BPNT1: variants seen among roughly 807,000 people sequenced by gnomAD.
The protein encoded by BPNT1 is 3'(2'),5'-bisphosphate nucleotidase 1.
In BPNT1, 28 loss-of-function variants were observed where a neutral mutation model predicts 36.9. That is an observed-to-expected ratio of 0.76 (90% CI 0.56 to 1.04). The LOEUF (loss-of-function observed/expected upper bound fraction) is 1.04, where lower values mean the gene tolerates loss of function less well. Ranked by LOEUF, BPNT1 falls within the 50% of genes least tolerant of loss-of-function variation. The pLI, the probability that BPNT1 is intolerant of heterozygous loss-of-function variation, is 0.00. For missense variants in BPNT1, 313 were observed against 372.9 expected (o/e 0.84, Z 1.32); for synonymous variants, 119 against 130.9 (o/e 0.91, Z 0.62).
At chr1:220,069,314 C>A (rs894871269) in intron 5 of BPNT1, 70 bp downstream of exon 5, 16 of 1,224,846 alleles carry the variant, frequency 1.3e-5, no homozygotes, top group Non-Finnish European at 1.8e-5. Flanking sequence ...TACAAAATAT[C>A]AAATATTTAC....
At chr1:220,068,383 C>T (rs2102669758) in intron 5 of BPNT1, among the ~76,000 whole-genome samples, 1 of 151,960 alleles carries the variant, frequency 6.6e-6, no homozygotes, top group South Asian at 2.1e-4. Context: ...GGTGTTTCAC[C>T]ATGTTGGCCA....
Position 220,062,825 on chromosome 1 carries a change from A to G in BPNT1, c.604T>C (p.Leu202=), listed in dbSNP as rs1195284230. Reference sequence around the variant, plus strand: ...ATAGCAGCAACACAGTCAGTAACCAACTTGTTGCTATGGGATCGAGTAGTT... The same window carrying G: ...ATAGCAGCAACACAGTCAGTAACCAGCTTGTTGCTATGGGATCGAGTAGTT... The part of the protein sequence containing the change: ...ITTTRSHSNK[L]VTDCVAAMNP... The change falls in exon 7 of 9, where the codon TTG becomes CTG. Residue 202 remains leucine (L), a synonymous_variant. Coordinates refer to ENST00000322067, the MANE Select transcript of BPNT1 (RefSeq NM_006085.6). The G allele has an allele frequency of 3.1e-6, 5 of 1,613,980 alleles. No homozygotes were observed. Among genetic ancestry groups the G allele is most frequent in the Non-Finnish European group, 4.2e-6 (5 of 1,180,028 alleles).
At chr1:220,069,232 G>T in intron 5 of BPNT1, 152 bp downstream of exon 5, 1 of 544,770 alleles carries the variant, frequency 1.8e-6, no homozygotes, top group Non-Finnish European at 3.1e-6. Flanking sequence ...AATCAACGAT[G>T]TATGATAACC....
chr1:220,079,322 G>A (rs961013052), intron 2 of BPNT1, among the ~76,000 whole-genome samples: 11 of 151,434 alleles, frequency 7.3e-5, no homozygotes, highest in African/African-American at 2.7e-4. Flanking sequence ...GCGCAATCTC[G>A]GCTCACTGCA....
At chr1:220,083,005 G>A (rs1189626682) in intron 1 of BPNT1, among the ~76,000 whole-genome samples, 2 of 151,948 alleles carry the variant, frequency 1.3e-5, no homozygotes, top group Non-Finnish European at 1.5e-5. Flanking sequence ...TTGGGAGGCC[G>A]AGGTGGGCAG....
At chr1:220,068,463 T>C (rs1214796852) in intron 5 of BPNT1, among the ~76,000 whole-genome samples, 1 of 150,054 alleles carries the variant, frequency 6.7e-6, no homozygotes, top group Non-Finnish European at 1.5e-5. Flanking sequence ...ATTACAGGCA[T>C]AAGCCACCAC....
intron 6 of BPNT1, chr1:220,066,016 G>A (rs1445528096): frequency 7.4e-7 from 1 of 1,357,338 alleles, no homozygotes; most frequent in African/African-American, 1.5e-5. Context: ...GGTACCACAA[G>A]TTGCCTGCTT....
intron 1 of BPNT1, among the ~76,000 whole-genome samples, chr1:220,081,373 T>C (rs1655109243): frequency 6.6e-6 from 1 of 152,010 alleles, no homozygotes; most frequent in South Asian, 2.1e-4. Flanking sequence ...TGAAACCTCG[T>C]CTCTACTAAA....
At chr1:220,078,522 AATTAT>A (rs1664800352) in intron 2 of BPNT1, among the ~76,000 whole-genome samples, 1 of 140,352 alleles carries the variant, frequency 7.1e-6, no homozygotes, top group South Asian at 2.1e-4. Context: ...AATTATATAT[AATTAT>A]ATTACATTAT....
intron 6 of BPNT1, among the ~76,000 whole-genome samples, chr1:220,065,694 GGT>G (rs1249599085): frequency 6.6e-6 from 1 of 152,122 alleles, no homozygotes; most frequent in African/African-American, 2.4e-5. Flanking sequence ...AAAGGGCTGT[GGT>G]TAGTATTCAA....
chr1:220,062,988 T>C (rs1663196744), intron 6 of BPNT1, 34 bp from the exon 7 acceptor site: 1 of 1,599,822 alleles, frequency 6.3e-7, no homozygotes, highest in Non-Finnish European at 8.6e-7. Flanking sequence ...AGACTTGTGG[T>C]TATTTGGAGA....
At chr1:220,075,664 A>G (rs1447774817) in intron 2 of BPNT1, among the ~76,000 whole-genome samples, 8 of 152,176 alleles carry the variant, frequency 5.3e-5, no homozygotes, top group African/African-American at 1.9e-4. Flanking sequence ...GAGGAAATCA[A>G]TTTTCTTTTC....
At chr1:220,063,203 C>T (rs2102640877) in intron 6 of BPNT1, among the ~76,000 whole-genome samples, 1 of 152,126 alleles carries the variant, frequency 6.6e-6, no homozygotes, top group East Asian at 1.9e-4. Context: ...AAAAAATTAG[C>T]CGGGCATGGT....
intron 1 of BPNT1, among the ~76,000 whole-genome samples, chr1:220,083,869 CAG>C (rs147438572): frequency 6.0e-4 from 91 of 152,194 alleles, no homozygotes; most frequent in African/African-American, 2.1e-3. Context: ...TAAGTATTCT[CAG>C]GGGTTCCTGG....
intron 1 of BPNT1, among the ~76,000 whole-genome samples, chr1:220,086,233 A>G (rs1457530155): frequency 1.3e-5 from 2 of 152,168 alleles, no homozygotes; most frequent in Non-Finnish European, 2.9e-5. Context: ...GGGAAATTCA[A>G]TTTTGCATAA....
intron 5 of BPNT1, among the ~76,000 whole-genome samples, chr1:220,068,340 G>C (rs886262628): frequency 1.3e-5 from 2 of 151,832 alleles, no homozygotes; most frequent in Non-Finnish European, 2.9e-5. Context: ...TGTGCCACCA[G>C]GCCCAGCTAA....
intron 6 of BPNT1, among the ~76,000 whole-genome samples, chr1:220,065,322 C>A (rs896726422): frequency 1.3e-5 from 2 of 152,152 alleles, no homozygotes; most frequent in African/African-American, 4.8e-5. Flanking sequence ...GCTCCTGACT[C>A]TCAGGCTCTG....
At chr1:220,087,576 A>C (rs185565902) in intron 1 of BPNT1, among the ~76,000 whole-genome samples, 308 of 152,210 alleles carry the variant, frequency 2.0e-3, no homozygotes, top group African/African-American at 6.8e-3. Context: ...ATCAATCAAT[A>C]AATAAAAATA....
Position 220,077,398 on chromosome 1 carries a change from T to A in BPNT1, c.120+2329A>T, listed in dbSNP as rs187701142. Among the ~76,000 whole-genome samples, 5 of 151,440 alleles carry A rather than the reference T, an allele frequency of 3.3e-5. No individual in the cohort carries two copies. In the East Asian group the frequency reaches 5.8e-4, roughly 18 times the overall value. ...ATTTGTTCTTATGAATTTTTTTTTT[T>A]AATATTATTTATTTATTTTAGAGAC... is the stretch of plus-strand genomic sequence containing the variant. On this transcript the variant is annotated intron_variant, in intron 2 of 8. Transcript: ENST00000322067.
Sources: allele counts gnomAD v4.1 joint callset (sites outside exome capture counted in the v4.1 genomes callset), GRCh38; gene constraint gnomAD v4.1.1; transcripts MANE v1.5; gene names NCBI Gene and HGNC (gene_info 2026-07-23, HGNC 2026-07-21).